The following NCOA6 variants were observed in gnomAD, a reference collection of about 807,000 sequenced individuals.
NCOA6 encodes the protein nuclear receptor coactivator 6.
In NCOA6, 49 loss-of-function variants were observed where a neutral mutation model predicts 171.4. The ratio of observed to expected loss-of-function variants is 0.29; its 90% CI spans 0.23 to 0.36. The LOEUF (loss-of-function observed/expected upper bound fraction) is 0.36, where lower values mean the gene tolerates loss of function less well. Among genes scored for constraint, NCOA6 ranks in the 10% least tolerant of loss-of-function variants. The pLI is 1.00. For missense variants in NCOA6, 2,248 were observed against 2,554.5 expected (o/e 0.88, Z 2.59); for synonymous variants, 910 against 927.5 (o/e 0.98, Z 0.34).
intron 1 of NCOA6, among the ~76,000 whole-genome samples, chr20:34,823,642 C>A (rs1365688307): frequency 6.6e-6 from 1 of 151,842 alleles, no homozygotes; most frequent in South Asian, 2.1e-4. Flanking sequence ...TTTCACTTTT[C>A]TTTTTTAGGA....
chr20:34,732,503 C>G, intron 13 of NCOA6, 56 bp downstream of exon 13: 1 of 1,550,750 alleles, frequency 6.4e-7, no homozygotes, highest in Non-Finnish European at 8.9e-7. Flanking sequence ...CAGCTGATAC[C>G]TTTCAAAGAG....
At chr20:34,732,995 C>T (rs1484312410) in intron 12 of NCOA6, 5 of 166,398 alleles carry the variant, frequency 3.0e-5, no homozygotes, top group Non-Finnish European at 5.2e-5. Flanking sequence ...TCAAATATGT[C>T]TTGAACATCT....
intron 13 of NCOA6, among the ~76,000 whole-genome samples, chr20:34,728,609 C>T (rs1568717583): frequency 6.6e-6 from 1 of 152,162 alleles, no homozygotes; most frequent in Admixed American, 6.5e-5. Context: ...CTGGTGTAAC[C>T]CTTGACTCAG....
intron 3 of NCOA6, chr20:34,776,777 T>C (rs533827130): frequency 1.0e-5 from 5 of 483,912 alleles, no homozygotes; most frequent in Non-Finnish European, 2.0e-5. Context: ...CCACAGGCAA[T>C]GAACGGAAAG....
intron 14 of NCOA6, among the ~76,000 whole-genome samples, chr20:34,726,713 A>T (rs752995650): frequency 4.6e-5 from 7 of 151,868 alleles, no homozygotes; most frequent in Non-Finnish European, 5.9e-5. Flanking sequence ...TGAACCTGGG[A>T]GGCGGAGGTT....
chr20:34,822,851 A>G (rs2079047984), intron 1 of NCOA6, among the ~76,000 whole-genome samples: 1 of 152,204 alleles, frequency 6.6e-6, no homozygotes, highest in Non-Finnish European at 1.5e-5. Flanking sequence ...ACTAACTTTT[A>G]ACTGAAAATT....
At chr20:34,762,019 CCTTA>C (rs1241117376) in intron 5 of NCOA6, among the ~76,000 whole-genome samples, 1 of 152,120 alleles carries the variant, frequency 6.6e-6, no homozygotes, top group South Asian at 2.1e-4. Context: ...TCTCCTTTAT[CCTTA>C]CTAATTTTTT....
At chr20:34,805,685 CTT>C (rs896675332) in intron 1 of NCOA6, among the ~76,000 whole-genome samples, 7 of 141,166 alleles carry the variant, frequency 5.0e-5, no homozygotes, top group Non-Finnish European at 7.8e-5. Flanking sequence ...CTCTTCTTAG[CTT>C]TTTTTTTTTT....
intron 9 of NCOA6, 93 bp downstream of exon 9, chr20:34,749,310 T>A: frequency 2.9e-6 from 4 of 1,382,806 alleles, no homozygotes; most frequent in Non-Finnish European, 3.9e-6. Context: ...ATTATACTAT[T>A]CTAGTTTTAT....
At chr20:34,804,147 A>C (rs776024457) in intron 1 of NCOA6, among the ~76,000 whole-genome samples, 10 of 152,106 alleles carry the variant, frequency 6.6e-5, no homozygotes, top group Non-Finnish European at 1.3e-4. Context: ...GACCAGTCTG[A>C]CCAATATGGT....
chr20:34,778,775 G>A (rs1366276279), intron 3 of NCOA6, among the ~76,000 whole-genome samples: 2 of 151,724 alleles, frequency 1.3e-5, no homozygotes, highest in Non-Finnish European at 2.9e-5. Flanking sequence ...TGGCTAACAC[G>A]GTGAAACCCC....
chr20:34,761,156 T>C lies in NCOA6; in HGVS notation c.515-2223A>G, dbSNP rs139241059. Among the ~76,000 whole-genome samples the C allele has an allele frequency of 7.3e-3, 1,117 of 152,292 alleles. 16 individuals are homozygous for C. Among genetic ancestry groups the C allele is most frequent in the African/African-American group, 0.026 (1,080 of 41,550 alleles). ...AGAATCTTTTGGTTTTGCTGTTCTGTTGTTTTTTTGATTCATATTTTACTT... is the reference window on the plus strand; with the variant it reads ...AGAATCTTTTGGTTTTGCTGTTCTGCTGTTTTTTTGATTCATATTTTACTT... On this transcript the variant is annotated intron_variant, in intron 5 of 14. Coordinates refer to ENST00000359003, the MANE Select transcript of NCOA6 (RefSeq NM_014071.5).
intron 13 of NCOA6, among the ~76,000 whole-genome samples, chr20:34,728,757 T>C (rs1214266338): frequency 6.6e-6 from 1 of 152,208 alleles, no homozygotes; most frequent in Non-Finnish European, 1.5e-5. Context: ...AGCTAAATCA[T>C]GGCACATCCA....
At chr20:34,752,312 T>C (rs942689103) in intron 8 of NCOA6, among the ~76,000 whole-genome samples, 3 of 152,258 alleles carry the variant, frequency 2.0e-5, no homozygotes, top group Admixed American at 6.5e-5. Flanking sequence ...ACCAGCCTTA[T>C]AAACTCAAAG....
At chr20:34,811,213 A>G (rs1240439955) in intron 1 of NCOA6, among the ~76,000 whole-genome samples, 1 of 129,130 alleles carries the variant, frequency 7.7e-6, no homozygotes, top group African/African-American at 3.0e-5. Context: ...ATATATATAT[A>G]TATATATATA....
At chr20:34,749,293 G>C in intron 9 of NCOA6, 110 bp downstream of exon 9, 1 of 1,252,986 alleles carries the variant, frequency 8.0e-7, no homozygotes, top group Non-Finnish European at 1.1e-6. Flanking sequence ...TGAAGCAGGG[G>C]GATTTCATTA....
intron 3 of NCOA6, among the ~76,000 whole-genome samples, chr20:34,778,890 C>T (rs1251715021): frequency 4.2e-5 from 6 of 144,554 alleles, no homozygotes; most frequent in African/African-American, 1.3e-4. Context: ...ACCCGGGAGA[C>T]GGAGCTTGCA....
Position 34,764,912 on chromosome 20 carries a change from A to C in NCOA6, c.514+3552T>G, listed in dbSNP as rs547834806. ...GTGGATCACCTCAGAGCAGGAGTTC[A>C]AGACCAGCCTGGCCAACATGGTGAA... On this transcript the variant is annotated intron_variant, in intron 5 of 14. Coordinates refer to ENST00000359003, the MANE Select transcript of NCOA6 (RefSeq NM_014071.5). 1.1e-4 allele frequency among the ~76,000 whole-genome samples: 17 copies of C among 150,586 alleles called. No individual in the cohort carries two copies. The East Asian group carries it at 3.4e-3, about 30-fold the overall frequency.
In NCOA6 at chr20:34,757,825, G is replaced by T; in HGVS notation, c.923C>A (p.Ala308Asp). 6.2e-7 allele frequency: 1 copy of T among 1,614,102 alleles called. No individual in the cohort carries two copies. The highest frequency in any genetic ancestry group is 8.5e-7 in the Non-Finnish European group (1 of 1,180,032). The change falls in exon 7 of 15, where the codon GCC (alanine) becomes GAC (aspartate). Residue 308 changes from alanine (A) to aspartate (D), a missense_variant. Physicochemically the swap from Ala to Asp is moderately radical, Grantham distance 126. This residue lies in a region of NCOA6 where 987 missense variants were observed against 1,104.7 expected (regional missense o/e 0.89). Coordinates refer to ENST00000359003, the MANE Select transcript of NCOA6 (RefSeq NM_014071.5). ...TGGAGGAACAGGCACCTGAGTTGGG[G>T]CAGTAAACTGGGGTCGAATTCCCTG... ...QPQGIRPQFTAPTQVPVPPGW... is the reference protein window; with the variant it reads ...QPQGIRPQFTDPTQVPVPPGW...
Sources: gnomAD v4.1 joint callset for allele counts (sites outside exome capture counted in the v4.1 genomes callset) on GRCh38, gnomAD v4.1.1 for gene constraint, gnomAD v4.1.1 regional missense constraint, MANE v1.5 for transcripts, NCBI Gene and HGNC (gene_info 2026-07-23, HGNC 2026-07-21) for gene names.